Variants in ESR1 observed in about 807,000 individuals in gnomAD.
ESR1 encodes the protein estrogen receptor 1, also known as estrogen receptor.
In ESR1, 12 loss-of-function variants were observed where a neutral mutation model predicts 52.7. The ratio of observed to expected loss-of-function variants is 0.23; its 90% confidence interval spans 0.15 to 0.37. ESR1 has a LOEUF of 0.37. Among genes scored for constraint, ESR1 ranks in the 10% least tolerant of loss-of-function variants. The pLI is 1.00. For missense variants in ESR1, 584 were observed against 779.7 expected (o/e 0.75, Z 2.99); for synonymous variants, 305 against 316.8 (o/e 0.96, Z 0.39).
At chr6:152,041,103 T>C (rs1247538556) in intron 5 of ESR1, among the ~76,000 whole-genome samples, 1 of 152,198 alleles carries the variant, frequency 6.6e-6, no homozygotes, top group Admixed American at 6.5e-5. Context: ...CCAAGAGTTG[T>C]CTCTCACAAG....
chr6:151,864,305 G>T (rs1789441693), intron 2 of ESR1, among the ~76,000 whole-genome samples: 1 of 152,178 alleles, frequency 6.6e-6, no homozygotes, highest in African/African-American at 2.4e-5. Context: ...CTCAAAAGAA[G>T]ACATTTATGC....
rs1427868228 is a variant in ESR1 at position 151,944,158 on chromosome 6, C to T, written c.761-15C>T. 9 of 1,602,116 alleles carry T rather than the reference C, an allele frequency of 5.6e-6. No homozygotes were observed. The African/African-American group carries it at 6.7e-5, about 12-fold the overall frequency. ...AAAAAAATAAACTAATTTTTTTTTCCACCTGTGTTTTCAGGGATACGAAAA... is the reference window on the plus strand; with the variant it reads ...AAAAAAATAAACTAATTTTTTTTTCTACCTGTGTTTTCAGGGATACGAAAA... On this transcript the variant is annotated splice_polypyrimidine_tract_variant and intron_variant, in intron 3 of 7. Coordinates refer to ENST00000206249, the MANE Select transcript of ESR1 (RefSeq NM_000125.4).
intron 7 of ESR1, among the ~76,000 whole-genome samples, chr6:152,097,924 A>G (rs1301740720): frequency 3.3e-5 from 5 of 152,216 alleles, no homozygotes; most frequent in Non-Finnish European, 7.3e-5. Flanking sequence ...TCAGGCAGTG[A>G]TAAGAGTGCT....
chr6:151,750,156 TTA>T (rs770341313), intron 2 of ESR1, among the ~76,000 whole-genome samples: 22 of 152,322 alleles, frequency 1.4e-4, no homozygotes, highest in Non-Finnish European at 2.8e-4. Context: ...TTCAAGAGTT[TTA>T]TATATTCAAA....
chr6:152,109,145 AG>A (rs1375964124), intron 6 of ESR1, among the ~76,000 whole-genome samples: 4 of 152,268 alleles, frequency 2.6e-5, no homozygotes, highest in Non-Finnish European at 5.9e-5. Context: ...ATAGCACCAG[AG>A]GGGATGGTGC....
intron 6 of ESR1, chr6:152,112,814 C>T (rs2051160938): frequency 6.6e-6 from 1 of 152,226 alleles, no homozygotes; most frequent in African/African-American, 2.4e-5. Context: ...CCTTCTGAGC[C>T]CACTGCAAAA....
intron 2 of ESR1, among the ~76,000 whole-genome samples, chr6:151,848,885 G>T (rs909220359): frequency 6.6e-6 from 1 of 151,966 alleles, no homozygotes; most frequent in Non-Finnish European, 1.5e-5. Flanking sequence ...GAAAACATTC[G>T]ACATATTCTC....
intron 2 of ESR1, among the ~76,000 whole-genome samples, chr6:151,734,618 C>T (rs1267291836): frequency 6.6e-6 from 1 of 151,870 alleles, no homozygotes; most frequent in African/African-American, 2.4e-5. Flanking sequence ...AAGGGCAAAG[C>T]TAACCTTTTT....
At chr6:151,933,658 G>A (rs1258210069) in intron 3 of ESR1, among the ~76,000 whole-genome samples, 5 of 152,238 alleles carry the variant, frequency 3.3e-5, no homozygotes, top group Admixed American at 3.3e-4. Flanking sequence ...GGAGTTTTTA[G>A]CATGAAGAGT....
chr6:152,002,061 C>T (rs722209), intron 4 of ESR1, among the ~76,000 whole-genome samples: 19,909 of 151,840 alleles, frequency 0.13, 1,497 homozygotes, highest in East Asian at 0.33. Flanking sequence ...ACTCCCGTTT[C>T]GACATTCTGA....
intron 2 of ESR1, among the ~76,000 whole-genome samples, chr6:151,847,584 GTTGT>G (rs774524840): frequency 2.1e-5 from 3 of 139,742 alleles, no homozygotes; most frequent in East Asian, 4.1e-4. Context: ...TTTTGATGGG[GTTGT>G]TTGTTTTTTT....
chr6:151,667,190 C>T (rs1223069899), intron 1 of ESR1, among the ~76,000 whole-genome samples: 3 of 152,236 alleles, frequency 2.0e-5, no homozygotes, highest in East Asian at 1.9e-4. Flanking sequence ...CCTTTACTTC[C>T]ACATGGAGTT....
intron 4 of ESR1, among the ~76,000 whole-genome samples, chr6:151,978,741 A>G (rs1283119375): frequency 6.6e-6 from 1 of 152,170 alleles, no homozygotes; most frequent in African/African-American, 2.4e-5. Flanking sequence ...ATAATTTTCA[A>G]CTTAAAATAG....
chr6:151,879,667 A>G (rs1792459034), intron 2 of ESR1, among the ~76,000 whole-genome samples: 1 of 152,204 alleles, frequency 6.6e-6, no homozygotes. Flanking sequence ...GAACTATGGT[A>G]AACTCCTAAC....
At chr6:152,063,323 G>A (rs892833077) in intron 6 of ESR1, among the ~76,000 whole-genome samples, 12 of 152,168 alleles carry the variant, frequency 7.9e-5, no homozygotes, top group African/African-American at 2.4e-4. Context: ...ATAACACAGC[G>A]GCTGGCAGCT....
At chr6:152,032,230 C>T (rs1041066810) in intron 5 of ESR1, among the ~76,000 whole-genome samples, 1 of 152,192 alleles carries the variant, frequency 6.6e-6, no homozygotes, top group African/African-American at 2.4e-5. Context: ...AAAACTGGCA[C>T]AAGACAGGGA....
At chr6:151,731,606 A>T (rs1174651825) in intron 2 of ESR1, among the ~76,000 whole-genome samples, 1 of 152,060 alleles carries the variant, frequency 6.6e-6, no homozygotes, top group East Asian at 1.9e-4. Flanking sequence ...ACCCTCAGAG[A>T]GTTTATGCTA....
chr6:151,934,503 G>C (rs2034112967), intron 3 of ESR1, among the ~76,000 whole-genome samples: 1 of 152,134 alleles, frequency 6.6e-6, no homozygotes, highest in African/African-American at 2.4e-5. Context: ...TTACATAAGT[G>C]ATACATGACA....
intron 2 of ESR1, among the ~76,000 whole-genome samples, chr6:151,711,954 T>A (rs1199013199): frequency 6.6e-6 from 1 of 152,188 alleles, no homozygotes; most frequent in Non-Finnish European, 1.5e-5. Context: ...TTGCGTTGGT[T>A]TTCTTCTAGG....
Sources: gnomAD v4.1 joint callset for allele counts (sites outside exome capture counted in the v4.1 genomes callset) on GRCh38, gnomAD v4.1.1 for gene constraint, MANE v1.5 for transcripts, NCBI Gene and HGNC (gene_info 2026-07-23, HGNC 2026-07-21) for gene names.